PTPRG: variants seen among roughly 807,000 people sequenced by gnomAD.
PTPRG encodes the protein protein tyrosine phosphatase receptor type G, also known as receptor-type tyrosine-protein phosphatase gamma.
In PTPRG, 102 loss-of-function variants were observed where a neutral mutation model predicts 165.3. The observed-to-expected ratio is 0.62, with a 90% CI of 0.53 to 0.73. The LOEUF is 0.73. Ranked by LOEUF, PTPRG falls within the 30% of genes least tolerant of loss-of-function variation. The pLI, the probability that PTPRG is intolerant of heterozygous loss-of-function variation, is 0.00. For synonymous variants in PTPRG, 675 were observed against 669.5 expected (o/e 1.01, Z -0.13); for missense variants, 1,866 against 1,861.4 (o/e 1.00, Z -0.05).
chr3:62,233,909 A>C lies in PTPRG; in HGVS notation c.2375+2598A>C, dbSNP rs1188255623. ...AGTAATACTTGACATGATTCAAAAT[A>C]AAAAAGTTTAAAATTATATGCACCA... On this transcript the variant is annotated intron_variant, in intron 14 of 29. Transcript: ENST00000474889. The surrounding 1 kb of genome is among the most constrained non-coding windows in gnomAD (Gnocchi z 4.7). 6.6e-6 allele frequency among the ~76,000 whole-genome samples: 1 copy of C among 152,180 alleles called. No homozygotes were observed. Among genetic ancestry groups the C allele is most frequent in the Non-Finnish European group, 1.5e-5 (1 of 68,024 alleles).
intron 2 of PTPRG, among the ~76,000 whole-genome samples, chr3:61,787,976 TGA>T (rs2034760087): frequency 6.6e-6 from 1 of 152,106 alleles, no homozygotes; most frequent in African/African-American, 2.4e-5. Context: ...GACAAACTTG[TGA>T]GTTTGTCTGA....
At chr3:61,809,546 C>G (rs567047678) in intron 2 of PTPRG, among the ~76,000 whole-genome samples, 38 of 152,212 alleles carry the variant, frequency 2.5e-4, no homozygotes, top group Middle Eastern at 3.4e-3. Context: ...GAGAAACTTA[C>G]ATTTGAGTTC....
chr3:62,178,456 C>T (rs1294178785), intron 8 of PTPRG, among the ~76,000 whole-genome samples: 9 of 152,204 alleles, frequency 5.9e-5, no homozygotes, highest in Admixed American at 5.9e-4. Context: ...GCCAGTACTA[C>T]TTCCTGAAAT....
At chr3:61,728,813 G>C (rs965665570) in intron 1 of PTPRG, among the ~76,000 whole-genome samples, 2 of 149,320 alleles carry the variant, frequency 1.3e-5, no homozygotes, top group South Asian at 2.1e-4. Flanking sequence ...GAGATGGAAG[G>C]CTTGCTTGAG....
intron 1 of PTPRG, among the ~76,000 whole-genome samples, chr3:61,601,985 C>T (rs1265702133): frequency 6.6e-6 from 1 of 152,208 alleles, no homozygotes; most frequent in Non-Finnish European, 1.5e-5. Flanking sequence ...TGCTGTCAAC[C>T]TTCAGCCAAC....
intron 2 of PTPRG, among the ~76,000 whole-genome samples, chr3:61,816,158 G>A (rs1040632216): frequency 6.6e-6 from 1 of 152,130 alleles, no homozygotes; most frequent in South Asian, 2.1e-4. Context: ...AGTTCAAATA[G>A]CAAGGCAACT....
At chr3:61,880,828 A>C (rs2037867623) in intron 2 of PTPRG, among the ~76,000 whole-genome samples, 1 of 152,116 alleles carries the variant, frequency 6.6e-6, no homozygotes, top group Non-Finnish European at 1.5e-5. Flanking sequence ...GTGGATTAGC[A>C]TTCAGAGTAG....
rs79165128 is a variant in PTPRG, at chr3:61,973,788, G to A, written c.191-15837G>A. ...GTGGAGGTTGCAGTGAGCCAAGATG[G>A]CTTCTCTGCACTCCAGCCTTGGTGA... On this transcript the variant is annotated intron_variant, in intron 2 of 29. Transcript: ENST00000474889. Among the ~76,000 whole-genome samples the A allele has an allele frequency of 6.6e-5, 10 of 152,012 alleles. No homozygotes were observed. In the East Asian group the frequency reaches 1.7e-3, roughly 27 times the overall value.
chr3:62,190,743 G>C lies in PTPRG; in HGVS notation c.1034-726G>C, dbSNP rs1699787622. ...CAATAAGATTTCGTCTACAATTTTA[G>C]TTAGCACACTCCACCAGTCCAACGG... is the stretch of plus-strand genomic sequence containing the variant. On this transcript the variant is annotated intron_variant, in intron 8 of 29. Coordinates refer to ENST00000474889, the MANE Select transcript of PTPRG (RefSeq NM_002841.4). The surrounding 1 kb of genome is among the most constrained non-coding windows in gnomAD (Gnocchi z 5.2). 6.6e-6 allele frequency among the ~76,000 whole-genome samples: 1 copy of C among 152,122 alleles called. No homozygotes were observed. The highest frequency in any genetic ancestry group is 1.5e-5 in the Non-Finnish European group (1 of 68,010).
intron 4 of PTPRG, among the ~76,000 whole-genome samples, chr3:62,003,791 C>T (rs1310881110): frequency 2.0e-5 from 3 of 152,124 alleles, no homozygotes; most frequent in Admixed American, 6.6e-5. Flanking sequence ...CTGTCTGTTC[C>T]CATTTTTGAA....
At chr3:62,089,613 TCTG>T (rs758573798) in intron 5 of PTPRG, among the ~76,000 whole-genome samples, 5 of 152,182 alleles carry the variant, frequency 3.3e-5, no homozygotes, top group Admixed American at 6.5e-5. Context: ...ACAGGTGTCT[TCTG>T]AGAAAATTTT....
intron 1 of PTPRG, among the ~76,000 whole-genome samples, chr3:61,588,978 T>C (rs1401865204): frequency 1.3e-5 from 2 of 152,128 alleles, no homozygotes; most frequent in Non-Finnish European, 2.9e-5. Flanking sequence ...GCTTATAGGA[T>C]TTCCTGTAAA....
Position 62,214,447 on chromosome 3 carries a change from C to T in PTPRG, c.2156-4404C>T, listed in dbSNP as rs942658554. Among the ~76,000 whole-genome samples, 1 of 152,154 alleles carries T rather than the reference C, an allele frequency of 6.6e-6. No homozygotes were observed. Among genetic ancestry groups the T allele is most frequent in the African/African-American group, 2.4e-5 (1 of 41,420 alleles). On this transcript the variant is annotated intron_variant, in intron 12 of 29. Transcript: ENST00000474889. This position sits in a 1 kb window ranked among gnomAD's most constrained non-coding sequence, Gnocchi z 5.2. ...TTTAATCTTCATCCCACCACAATGC[C>T]GTATGCAATATTATTACTTCCATTT...
chr3:61,963,882 A>G (rs1358551616), intron 2 of PTPRG, among the ~76,000 whole-genome samples: 1 of 152,200 alleles, frequency 6.6e-6, no homozygotes, highest in Non-Finnish European at 1.5e-5. Context: ...TTTAAAAAAA[A>G]AAGACCTCAG....
intron 4 of PTPRG, among the ~76,000 whole-genome samples, chr3:62,074,485 A>C (rs1171861670): frequency 6.6e-6 from 1 of 150,800 alleles, no homozygotes; most frequent in East Asian, 2.0e-4. Flanking sequence ...TCTCCTGAAT[A>C]GGTGGGACTA....
chr3:62,009,264 T>A (rs1481389066), intron 4 of PTPRG, among the ~76,000 whole-genome samples: 2 of 152,144 alleles, frequency 1.3e-5, no homozygotes, highest in Non-Finnish European at 2.9e-5. Context: ...GGTTAAATCA[T>A]GTGTCTCCCT....
intron 8 of PTPRG, among the ~76,000 whole-genome samples, chr3:62,170,729 A>G (rs190582449): frequency 2.0e-3 from 301 of 152,256 alleles, no homozygotes; most frequent in Non-Finnish European, 3.5e-3. Context: ...GTTTTCTGAT[A>G]TTTTTAGAGC....
intron 4 of PTPRG, among the ~76,000 whole-genome samples, chr3:62,007,778 G>A (rs1286093366): frequency 2.0e-5 from 3 of 152,310 alleles, no homozygotes; most frequent in African/African-American, 4.8e-5. Flanking sequence ...CTTATTAGAC[G>A]GAAAAGATGA....
intron 1 of PTPRG, among the ~76,000 whole-genome samples, chr3:61,592,861 G>T (rs985609337): frequency 2.6e-5 from 4 of 152,106 alleles, no homozygotes; most frequent in African/African-American, 9.7e-5. Flanking sequence ...ACCCTTACTG[G>T]ACTCAACTTG....
Sources: allele counts gnomAD v4.1 joint callset (sites outside exome capture counted in the v4.1 genomes callset), GRCh38; gene constraint gnomAD v4.1.1; non-coding constraint Gnocchi (gnomAD v3.1); transcripts MANE v1.5; gene names NCBI Gene and HGNC (gene_info 2026-07-23, HGNC 2026-07-21).